RAB3B: variants seen among roughly 807,000 people sequenced by gnomAD.
The protein encoded by RAB3B is RAB3B, member RAS oncogene family.
Under a neutral mutation model 20.5 loss-of-function variants are expected in RAB3B, and 11 were observed. The observed-to-expected ratio is 0.54, with a 90% CI of 0.34 to 0.89. The LOEUF is 0.89. Among genes scored for constraint, RAB3B ranks in the 40% least tolerant of loss-of-function variants. The pLI, the probability that RAB3B is intolerant of heterozygous loss-of-function variation, is 0.02. For synonymous variants in RAB3B, 99 were observed against 106.3 expected (o/e 0.93, Z 0.42); for missense variants, 225 against 280.9 (o/e 0.80, Z 1.42).
intron 2 of RAB3B, among the ~76,000 whole-genome samples, chr1:51,953,157 G>A (rs35169483): frequency 2.6e-4 from 39 of 152,126 alleles, no homozygotes; most frequent in Admixed American, 7.2e-4. Context: ...CAGTGCTTTG[G>A]CATGGACAAA....
chr1:51,976,280 C>T (rs1192578390), intron 2 of RAB3B, among the ~76,000 whole-genome samples: 2 of 152,090 alleles, frequency 1.3e-5, no homozygotes, highest in African/African-American at 4.8e-5. Flanking sequence ...ATCCTTCCAC[C>T]TCAGCCTCCC....
chr1:51,935,710 G>A (rs1016411110), intron 3 of RAB3B, among the ~76,000 whole-genome samples: 4 of 152,078 alleles, frequency 2.6e-5, no homozygotes, highest in Non-Finnish European at 5.9e-5. Flanking sequence ...AGACACTTCA[G>A]GGGAGATGTG....
intron 2 of RAB3B, among the ~76,000 whole-genome samples, chr1:51,938,893 T>C (rs1445211372): frequency 6.6e-6 from 1 of 152,096 alleles, no homozygotes; most frequent in African/African-American, 2.4e-5. Flanking sequence ...ACTCCAGAGC[T>C]CAAGCAATCC....
At chr1:51,969,347 C>T (rs1684897158) in intron 2 of RAB3B, among the ~76,000 whole-genome samples, 1 of 152,208 alleles carries the variant, frequency 6.6e-6, no homozygotes, top group African/African-American at 2.4e-5. Context: ...AGGGACCCTC[C>T]TTTCTCTGTC....
chr1:51,962,195 CA>C (rs542224708), intron 2 of RAB3B, among the ~76,000 whole-genome samples: 23 of 152,202 alleles, frequency 1.5e-4, no homozygotes, highest in Non-Finnish European at 3.4e-4. Flanking sequence ...ATAATAACAG[CA>C]CCTAGTTCAC....
rs1044520683 is a variant in RAB3B, at chr1:51,915,288, C to T, written c.*4639G>A. On this transcript the variant is annotated 3_prime_UTR_variant, in exon 5 of 5. Transcript: ENST00000371655. Reference sequence around the variant, plus strand: ...TGTATTTATCTAGTGCTTAATAATGCTAGGCCCTAGTCGATAGTCAAATAG... The same window carrying T: ...TGTATTTATCTAGTGCTTAATAATGTTAGGCCCTAGTCGATAGTCAAATAG... The T allele has an allele frequency of 2.6e-5, 4 of 151,990 alleles. No individual in the cohort carries two copies. The highest frequency in any genetic ancestry group is 4.8e-5 in the African/African-American group (2 of 41,358). 9.4% of individuals were successfully genotyped at this position (151,990 alleles called of 1,614,324 possible). A position where few individuals can be genotyped will look rare whatever the true frequency, so the allele number is the denominator to read the frequency against.
At chr1:51,959,774 C>A (rs1232614691) in intron 2 of RAB3B, among the ~76,000 whole-genome samples, 1 of 152,180 alleles carries the variant, frequency 6.6e-6, no homozygotes, top group African/African-American at 2.4e-5. Context: ...TTAATTATAA[C>A]AAATGTACCA....
chr1:51,984,687 G>A (rs1207646201), intron 1 of RAB3B, among the ~76,000 whole-genome samples: 2 of 152,146 alleles, frequency 1.3e-5, no homozygotes, highest in African/African-American at 4.8e-5. Flanking sequence ...ACATGAAACT[G>A]CAGTGAACAT....
intron 2 of RAB3B, among the ~76,000 whole-genome samples, chr1:51,942,106 G>C (rs1411002340): frequency 6.6e-6 from 1 of 152,184 alleles, no homozygotes; most frequent in Non-Finnish European, 1.5e-5. Context: ...CCACTGATCT[G>C]TAGCTTCAGT....
At chr1:51,980,044 C>T in intron 1 of RAB3B, among the ~76,000 whole-genome samples, 1 of 148,584 alleles carries the variant, frequency 6.7e-6, no homozygotes, top group Middle Eastern at 3.4e-3. Flanking sequence ...TCCACCCCCC[C>T]AAAAAAAAAA....
At chr1:51,965,904 C>G (rs1351807198) in intron 2 of RAB3B, among the ~76,000 whole-genome samples, 1 of 152,152 alleles carries the variant, frequency 6.6e-6, no homozygotes, top group African/African-American at 2.4e-5. Flanking sequence ...CATGGGAACT[C>G]TACACTATCA....
chr1:51,946,373 T>C (rs1233257245), intron 2 of RAB3B, among the ~76,000 whole-genome samples: 1 of 152,148 alleles, frequency 6.6e-6, no homozygotes. Flanking sequence ...AAAATCACAC[T>C]GAGGAACATT....
rs117144501 is a variant in RAB3B at position 51,927,009 on chromosome 1, T to C, written c.472+6309A>G. Among the ~76,000 whole-genome samples the C allele has an allele frequency of 6.2e-3, 943 of 152,316 alleles. 27 individuals are homozygous for C. In the South Asian group the frequency reaches 0.093, roughly 15 times the overall value. Reference sequence around the variant, plus strand: ...ATAATGCAGCCTTCTGTGCTAGAAGTGACAACAAAGGTCACAAGAGGATTT... The same window carrying C: ...ATAATGCAGCCTTCTGTGCTAGAAGCGACAACAAAGGTCACAAGAGGATTT... On this transcript the variant is annotated intron_variant, in intron 4 of 4. Transcript: ENST00000371655.
intron 4 of RAB3B, among the ~76,000 whole-genome samples, chr1:51,921,452 T>A (rs1456601840): frequency 6.6e-6 from 1 of 152,158 alleles, no homozygotes; most frequent in East Asian, 1.9e-4. Context: ...TAGACCTGGG[T>A]TTGGCTGTCT....
At chr1:51,943,394 T>TAAC (rs926884803) in intron 2 of RAB3B, among the ~76,000 whole-genome samples, 61 of 50,126 alleles carry the variant, frequency 1.2e-3, no homozygotes, top group African/African-American at 2.7e-3. Context: ...AAAATAATAA[T>TAAC]AACAACAACA....
intron 2 of RAB3B, among the ~76,000 whole-genome samples, chr1:51,962,654 C>T (rs983461700): frequency 1.3e-5 from 2 of 152,218 alleles, no homozygotes; most frequent in African/African-American, 4.8e-5. Context: ...TCTTTTCTAA[C>T]ACTGTCTCCT....
chr1:51,969,016 A>T (rs1479001168), intron 2 of RAB3B, among the ~76,000 whole-genome samples: 1 of 152,212 alleles, frequency 6.6e-6, no homozygotes, highest in African/African-American at 2.4e-5. Flanking sequence ...GCTATTGGGC[A>T]GGAGCAGTGG....
intron 2 of RAB3B, among the ~76,000 whole-genome samples, chr1:51,948,887 C>T (rs1295602682): frequency 6.6e-6 from 1 of 152,206 alleles, no homozygotes; most frequent in African/African-American, 2.4e-5. Flanking sequence ...CCAGTGCATG[C>T]CACAGCACCT....
chr1:51,969,636 G>T (rs1162579111), intron 2 of RAB3B, among the ~76,000 whole-genome samples: 1 of 151,358 alleles, frequency 6.6e-6, no homozygotes, highest in African/African-American at 2.4e-5. Flanking sequence ...TTTCCATTAC[G>T]CCCCATCTCT....
Sources: gnomAD v4.1 joint callset for allele counts (sites outside exome capture counted in the v4.1 genomes callset) on GRCh38, gnomAD v4.1.1 for gene constraint, MANE v1.5 for transcripts, NCBI Gene and HGNC (gene_info 2026-07-23, HGNC 2026-07-21) for gene names.